RTTN: variants seen among roughly 807,000 people sequenced by gnomAD.
RTTN encodes rotatin.
RTTN carries 182 observed loss-of-function variants against 269.2 expected under a neutral mutation model. That is an observed-to-expected ratio of 0.68 (90% CI 0.60 to 0.76). The LOEUF is 0.76. RTTN is among the 30% of genes least tolerant of loss of function. RTTN has a pLI of 0.00. For missense variants in RTTN, 2,545 were observed against 2,608.6 expected, an observed-to-expected ratio of 0.98 and a Z score of 0.53; for synonymous variants, 1,006 against 963.5, an observed-to-expected ratio of 1.04 and a Z score of -0.82.
At chr18:70,041,495 T>C (rs2057339323) in intron 40 of RTTN, among the ~76,000 whole-genome samples, 1 of 152,028 alleles carries the variant, frequency 6.6e-6, no homozygotes, top group African/African-American at 2.4e-5. Context: ...AGCTGAAAAC[T>C]ACCCCAATCT....
At chr18:70,108,414 A>C (rs2059379219) in intron 28 of RTTN, among the ~76,000 whole-genome samples, 1 of 152,238 alleles carries the variant, frequency 6.6e-6, no homozygotes, top group Non-Finnish European at 1.5e-5. Context: ...CTATTCCAAA[A>C]AAGAAAGTTA....
intron 40 of RTTN, among the ~76,000 whole-genome samples, chr18:70,037,984 T>C (rs987635574): frequency 4.1e-5 from 6 of 144,982 alleles, no homozygotes; most frequent in African/African-American, 9.9e-5. Context: ...AGAACTCCCA[T>C]GGGACCGTGG....
At chr18:70,047,580 A>G (rs1425069821) in intron 40 of RTTN, among the ~76,000 whole-genome samples, 1 of 152,218 alleles carries the variant, frequency 6.6e-6, no homozygotes, top group African/African-American at 2.4e-5. Flanking sequence ...CCATTTCTAG[A>G]AATCAAATGT....
At chr18:70,150,123 T>C in intron 15 of RTTN, 36 bp from the exon 16 acceptor site, 1 of 1,370,090 alleles carries the variant, frequency 7.3e-7, no homozygotes, top group Non-Finnish European at 1.0e-6. Context: ...ACCAGTCAAA[T>C]GAGATGTCCC....
intron 40 of RTTN, among the ~76,000 whole-genome samples, chr18:70,032,673 A>G (rs1411280881): frequency 6.6e-6 from 1 of 152,246 alleles, no homozygotes; most frequent in African/African-American, 2.4e-5. Flanking sequence ...ATCCAGATTC[A>G]TAAAGCAAGT....
chr18:70,163,069 T>TAAAAAAAAAAAAAAAAAAAAAAAA (rs10559303), intron 14 of RTTN, among the ~76,000 whole-genome samples: 1 of 56,968 alleles, frequency 1.8e-5, no homozygotes, highest in African/African-American at 7.1e-5. Flanking sequence ...TTACTATTAT[T>TAAAAAAAAAAAAAAAAAAAAAAAA]AAAAAAAAAA....
chr18:70,153,156 T>C (rs181504543), intron 14 of RTTN, among the ~76,000 whole-genome samples: 175 of 152,190 alleles, frequency 1.1e-3, no homozygotes, highest in African/African-American at 4.0e-3. Context: ...CATTCTCTAG[T>C]CCTTTATCCT....
rs371554548 is a variant in RTTN at position 70,020,595 on chromosome 18, T to C, written c.6153+20A>G. On this transcript the variant is annotated intron_variant, in intron 45 of 48. Coordinates refer to ENST00000640769, the MANE Select transcript of RTTN (RefSeq NM_173630.4). ...TCACTGAGTACCCTTTTAAGATATG[T>C]GGGGAGTTTAAGTGCGTACCTTCTG... is the stretch of plus-strand genomic sequence containing the variant. 10 of 1,580,730 alleles carry C rather than the reference T, an allele frequency of 6.3e-6. No homozygotes were observed. The highest frequency in any genetic ancestry group is 3.3e-4 in the Middle Eastern group (2 of 5,972).
chr18:70,107,400 C>T (rs367792242), intron 28 of RTTN, among the ~76,000 whole-genome samples: 12 of 152,196 alleles, frequency 7.9e-5, no homozygotes, highest in East Asian at 5.8e-4. Context: ...TAAGCCTTGT[C>T]TATGAAGCCC....
At chr18:70,160,615 G>A (rs1296226520) in intron 14 of RTTN, among the ~76,000 whole-genome samples, 1 of 134,852 alleles carries the variant, frequency 7.4e-6, no homozygotes, top group Non-Finnish European at 1.6e-5. Flanking sequence ...CAAATAGGAA[G>A]AGGAAGTTAA....
intron 32 of RTTN, among the ~76,000 whole-genome samples, chr18:70,077,874 A>T (rs1279056710): frequency 1.3e-5 from 2 of 151,918 alleles, no homozygotes; most frequent in Non-Finnish European, 2.9e-5. Context: ...TATCATAGAA[A>T]ATAGTGCAAA....
chr18:70,164,157 T>C (rs942637275), intron 14 of RTTN, among the ~76,000 whole-genome samples: 2 of 152,136 alleles, frequency 1.3e-5, no homozygotes, highest in Non-Finnish European at 2.9e-5. Context: ...ACGAATGTAC[T>C]TATGCCACTG....
In RTTN at chr18:70,168,817, C is replaced by A. The variant is rs200100180; in HGVS notation, c.1689+38G>T. The A allele has an allele frequency of 2.4e-5, 35 of 1,447,548 alleles. 1 individual carries two copies. Among genetic ancestry groups the A allele is most frequent in the Middle Eastern group, 4.7e-4 (2 of 4,228 alleles). 89.7% of individuals were successfully genotyped at this position (1,447,548 alleles called of 1,614,324 possible). A position where few individuals can be genotyped will look rare whatever the true frequency, so the allele number is the denominator to read the frequency against. On this transcript the variant is annotated intron_variant, in intron 12 of 48. Coordinates refer to ENST00000640769, the MANE Select transcript of RTTN (RefSeq NM_173630.4). ...TATAGATTAAATTTTCAAAATATGT[C>A]AAAGGGATTTAAAAGAGATATTAAA...
intron 26 of RTTN, among the ~76,000 whole-genome samples, chr18:70,117,011 T>C (rs886721192): frequency 8.9e-4 from 33 of 36,876 alleles, no homozygotes; most frequent in Non-Finnish European, 4.4e-3. Flanking sequence ...AGAGGTGCAA[T>C]AAACTCCTAA....
rs550476506 is a variant in RTTN at position 70,192,414 on chromosome 18, C to A, written c.1007+874G>T. ...AAGCACTGGGGGCCAAGCATGGTGA[C>A]TCATGTCTGTAATCTCAGCACTTTA... On this transcript the variant is annotated intron_variant, in intron 8 of 48. Coordinates refer to ENST00000640769, the MANE Select transcript of RTTN (RefSeq NM_173630.4). Among the ~76,000 whole-genome samples, 7 of 152,254 alleles carry A rather than the reference C, an allele frequency of 4.6e-5. No individual in the cohort carries two copies. In the South Asian group the frequency reaches 1.5e-3, roughly 32 times the overall value.
intron 39 of RTTN, among the ~76,000 whole-genome samples, chr18:70,048,764 GTCAAGT>G (rs2057566857): frequency 6.6e-6 from 1 of 151,980 alleles, no homozygotes; most frequent in African/African-American, 2.4e-5. Flanking sequence ...CCAAATATTA[GTCAAGT>G]TCGAGAAAAG....
intron 27 of RTTN, among the ~76,000 whole-genome samples, chr18:70,110,364 C>T (rs1018620371): frequency 3.3e-5 from 5 of 152,094 alleles, no homozygotes; most frequent in African/African-American, 9.7e-5. Context: ...CTAAGGTACC[C>T]GGTTCATCTC....
In RTTN at chr18:70,006,437, T is replaced by C; in HGVS notation, c.6469A>G (p.Asn2157Asp). The change falls in exon 47 of 49, where the codon AAT becomes GAT. Residue 2157 changes from asparagine (N) to aspartate (D), a missense_variant. Physicochemically the swap from Asn to Asp is conservative, Grantham distance 23. Coordinates refer to ENST00000640769, the MANE Select transcript of RTTN (RefSeq NM_173630.4). ...GCAGCTGCTCCAATCCTCTGAGCATTTTGATTCTCACTTTCCAGACAGGCA... is the reference window on the plus strand; with the variant it reads ...GCAGCTGCTCCAATCCTCTGAGCATCTTGATTCTCACTTTCCAGACAGGCA... Reference protein sequence around the residue: ...LAACLESENQNAQRIGAAALW... With the variant: ...LAACLESENQDAQRIGAAALW... 6.2e-7 allele frequency: 1 copy of C among 1,614,102 alleles called. No individual in the cohort carries two copies. The highest frequency in any genetic ancestry group is 8.5e-7 in the Non-Finnish European group (1 of 1,179,960).
At chr18:70,205,522 A>C in intron 1 of RTTN, 106 bp downstream of exon 1, 1 of 1,477,720 alleles carries the variant, frequency 6.8e-7, no homozygotes, top group Non-Finnish European at 9.4e-7. Context: ...GGGGTGAAAG[A>C]GGGAGCGGTC....
Sources: gnomAD v4.1 joint callset for allele counts (sites outside exome capture counted in the v4.1 genomes callset) on GRCh38, gnomAD v4.1.1 for gene constraint, MANE v1.5 for transcripts, NCBI Gene and HGNC (gene_info 2026-07-23, HGNC 2026-07-21) for gene names.